The following RAB6A variants were observed in gnomAD, a reference collection of about 807,000 sequenced individuals.
RAB6A encodes RAB6A, member RAS oncogene family.
Under a neutral mutation model 32.3 loss-of-function variants are expected in RAB6A, and 8 were observed. The ratio of observed to expected loss-of-function variants is 0.25; its 90% CI spans 0.15 to 0.45. The LOEUF is 0.45. RAB6A is among the 20% of genes least tolerant of loss of function. RAB6A has a pLI of 1.00. For synonymous variants in RAB6A, 73 were observed against 82.1 expected (o/e 0.89, Z 0.60); for missense variants, 104 against 249.4 (o/e 0.42, Z 3.93).
chr11:73,759,940 C>G, intron 1 of RAB6A: 1 of 1,016,552 alleles, frequency 9.8e-7, no homozygotes, highest in Admixed American at 2.6e-5. Context: ...CACCCCCAAC[C>G]ACCCCATGCT....
chr11:73,713,424 G>A (rs981361684), intron 5 of RAB6A, among the ~76,000 whole-genome samples: 1 of 152,154 alleles, frequency 6.6e-6, no homozygotes. Context: ...CAAAAAATTA[G>A]CCGGGCATGC....
At chr11:73,689,218 T>C (rs1945506824) in intron 6 of RAB6A, among the ~76,000 whole-genome samples, 1 of 152,352 alleles carries the variant, frequency 6.6e-6, no homozygotes, top group South Asian at 2.1e-4. Context: ...ACCGGTTTCC[T>C]GTAAGACAAT....
intron 6 of RAB6A, among the ~76,000 whole-genome samples, chr11:73,697,220 A>AT (rs1333509851): frequency 2.0e-5 from 3 of 152,144 alleles, no homozygotes; most frequent in Non-Finnish European, 4.4e-5. Context: ...CTTTGCTCAA[A>AT]TATCACCTTA....
chr11:73,750,205 C>T (rs906592203), intron 1 of RAB6A, among the ~76,000 whole-genome samples: 25 of 152,160 alleles, frequency 1.6e-4, no homozygotes, highest in African/African-American at 5.1e-4. Flanking sequence ...AATCTCACAA[C>T]GGACAGGATA....
intron 3 of RAB6A, chr11:73,718,938 C>G (rs528168720): frequency 6.9e-7 from 1 of 1,458,290 alleles, no homozygotes; most frequent in South Asian, 1.3e-5. Context: ...CAAACTAATA[C>G]TAAAAAGAAA....
chr11:73,755,807 T>G (rs1234630118), intron 1 of RAB6A, among the ~76,000 whole-genome samples: 389 of 88,150 alleles, frequency 4.4e-3, no homozygotes, highest in Middle Eastern at 8.5e-3. Flanking sequence ...AAGGGGGAGG[T>G]GGAAAGGGGG....
At chr11:73,716,416 G>T in intron 4 of RAB6A, 54 bp from the exon 5 acceptor site, 1 of 1,352,770 alleles carries the variant, frequency 7.4e-7, no homozygotes, top group South Asian at 1.2e-5. Context: ...TGCCTCCCCA[G>T]GTGGTGGGCA....
intron 2 of RAB6A, among the ~76,000 whole-genome samples, chr11:73,727,204 G>T (rs1239980626): frequency 1.3e-5 from 2 of 151,982 alleles, no homozygotes; most frequent in East Asian, 3.9e-4. Context: ...GAGGCAGGAG[G>T]ATCTCCTGAG....
At chr11:73,753,398 T>C (rs538451704) in intron 1 of RAB6A, among the ~76,000 whole-genome samples, 2 of 151,184 alleles carry the variant, frequency 1.3e-5, no homozygotes, top group South Asian at 4.2e-4. Flanking sequence ...GGTTTCACCA[T>C]GTTGGCCAGG....
intron 1 of RAB6A, among the ~76,000 whole-genome samples, chr11:73,737,488 CTCA>C (rs140325151): frequency 0.024 from 3,603 of 151,712 alleles, 145 homozygotes; most frequent in African/African-American, 0.083. Context: ...GTTTCTAAAA[CTCA>C]TCATCATTTG....
chr11:73,699,212 T>C (rs1471585634), intron 6 of RAB6A, among the ~76,000 whole-genome samples: 3 of 152,040 alleles, frequency 2.0e-5, no homozygotes, highest in Non-Finnish European at 4.4e-5. Context: ...GTGATATCAT[T>C]CAATTAGTCA....
chr11:73,697,306 A>T (rs572134832), intron 6 of RAB6A, among the ~76,000 whole-genome samples: 305 of 151,226 alleles, frequency 2.0e-3, no homozygotes, highest in Non-Finnish European at 3.8e-3. Context: ...TATCCTTCTT[A>T]CCCTACTTTA....
At chr11:73,754,841 CCGG>C (rs1946721935) in intron 1 of RAB6A, among the ~76,000 whole-genome samples, 2 of 151,800 alleles carry the variant, frequency 1.3e-5, no homozygotes. Flanking sequence ...AATCGCGAAC[CCGG>C]GAGGCACTCA....
intron 1 of RAB6A, among the ~76,000 whole-genome samples, chr11:73,751,271 C>G (rs912830467): frequency 2.6e-5 from 4 of 152,114 alleles, no homozygotes; most frequent in African/African-American, 9.7e-5. Context: ...CTGGGCAACA[C>G]AGAAAGACCC....
At chr11:73,692,354 T>A (rs930452919) in intron 6 of RAB6A, among the ~76,000 whole-genome samples, 2 of 149,936 alleles carry the variant, frequency 1.3e-5, no homozygotes, top group Non-Finnish European at 3.0e-5. Context: ...ATACAAAAAA[T>A]TAGCCGGGTG....
At chr11:73,709,457 A>T (rs1433241418) in intron 5 of RAB6A, among the ~76,000 whole-genome samples, 2 of 133,754 alleles carry the variant, frequency 1.5e-5, no homozygotes, top group African/African-American at 5.3e-5. Context: ...TATTATTATT[A>T]TTATTACTAT....
chr11:73,759,782 T>C (rs1356175018), intron 1 of RAB6A, among the ~76,000 whole-genome samples: 1 of 152,106 alleles, frequency 6.6e-6, no homozygotes, highest in Non-Finnish European at 1.5e-5. Flanking sequence ...GATCATGACA[T>C]AGCATCTGGC....
chr11:73,703,362 T>TA (rs200343496), intron 6 of RAB6A, among the ~76,000 whole-genome samples: 10 of 151,322 alleles, frequency 6.6e-5, no homozygotes, highest in East Asian at 1.9e-4. Flanking sequence ...AAGAATCTGC[T>TA]AAAAAAAAAT....
In RAB6A at chr11:73,705,384, C is replaced by T. The variant is rs372880631; in HGVS notation, c.495+2036G>A. 4.5e-4 allele frequency among the ~76,000 whole-genome samples: 69 copies of T among 152,146 alleles called. No individual in the cohort carries two copies. The East Asian group carries it at 0.012, about 27-fold the overall frequency. ...CCAACAAGGTGAAACCCTGTCTTTA[C>T]TAAAAGTACAAAAATTAGCCGGGAA... On this transcript the variant is annotated intron_variant, in intron 6 of 7. Coordinates refer to ENST00000336083, the MANE Select transcript of RAB6A (RefSeq NM_198896.2).
Sources: gnomAD v4.1 joint callset for allele counts (sites outside exome capture counted in the v4.1 genomes callset) on GRCh38, gnomAD v4.1.1 for gene constraint, MANE v1.5 for transcripts, NCBI Gene and HGNC (gene_info 2026-07-23, HGNC 2026-07-21) for gene names.